Variants in ANKS1B observed in about 807,000 individuals in gnomAD.
The protein encoded by ANKS1B is ankyrin repeat and sterile alpha motif domain containing 1B.
In ANKS1B, 36 loss-of-function variants were observed where a neutral mutation model predicts 148.3. The observed-to-expected ratio is 0.24, with a 90% CI of 0.19 to 0.32. ANKS1B has a LOEUF of 0.32. Among genes scored for constraint, ANKS1B ranks in the 10% least tolerant of loss-of-function variants. The pLI, the probability that ANKS1B is intolerant of heterozygous loss-of-function variation, is 1.00. For missense variants in ANKS1B, 1,157 were observed against 1,542.6 expected (o/e 0.75, Z 4.19); for synonymous variants, 542 against 560.8 (o/e 0.97, Z 0.47).
chr12:99,967,722 C>T (rs2095502870), intron 1 of ANKS1B, among the ~76,000 whole-genome samples: 1 of 151,702 alleles, frequency 6.6e-6, no homozygotes, highest in Non-Finnish European at 1.5e-5. Flanking sequence ...TCTTGGCCAA[C>T]ATGGTGAAAC....
At chr12:98,817,492 C>A (rs2153651124) in intron 19 of ANKS1B, among the ~76,000 whole-genome samples, 1 of 152,336 alleles carries the variant, frequency 6.6e-6, no homozygotes, top group Middle Eastern at 3.4e-3. Context: ...TTGTGAGTTA[C>A]CCAGAGGCCG....
chr12:99,277,829 C>A (rs2077875290), intron 12 of ANKS1B, among the ~76,000 whole-genome samples: 1 of 152,162 alleles, frequency 6.6e-6, no homozygotes, highest in Non-Finnish European at 1.5e-5. Flanking sequence ...CAGACCAGAC[C>A]ATTGTGAAGT....
At chr12:99,358,120 A>G (rs1016194376) in intron 12 of ANKS1B, among the ~76,000 whole-genome samples, 1 of 152,014 alleles carries the variant, frequency 6.6e-6, no homozygotes, top group South Asian at 2.1e-4. Context: ...TTTAATTTTT[A>G]TATAGGTTAA....
intron 17 of ANKS1B, among the ~76,000 whole-genome samples, chr12:99,019,430 C>T (rs2099944465): frequency 6.6e-6 from 1 of 152,032 alleles, no homozygotes; most frequent in African/African-American, 2.4e-5. Context: ...GTCATTATAG[C>T]TATTGTTTGG....
chr12:99,200,997 G>C (rs2082008096), intron 14 of ANKS1B, among the ~76,000 whole-genome samples: 2 of 152,164 alleles, frequency 1.3e-5, no homozygotes, highest in South Asian at 4.1e-4. Flanking sequence ...TGGAGACACA[G>C]GCTACCTGGA....
chr12:99,736,903 AC>A (rs1456203045), intron 8 of ANKS1B, among the ~76,000 whole-genome samples: 1 of 152,170 alleles, frequency 6.6e-6, no homozygotes, highest in Non-Finnish European at 1.5e-5. Context: ...GACACTTCTC[AC>A]AAGAAGACAT....
intron 9 of ANKS1B, among the ~76,000 whole-genome samples, chr12:99,531,983 T>G (rs1271637674): frequency 6.6e-6 from 1 of 152,198 alleles, no homozygotes; most frequent in Non-Finnish European, 1.5e-5. Flanking sequence ...TGTTGGCCAT[T>G]TGTATGTCTT....
intron 1 of ANKS1B, among the ~76,000 whole-genome samples, chr12:99,974,984 A>AT (rs756636883): frequency 6.6e-6 from 1 of 152,058 alleles, no homozygotes; most frequent in Non-Finnish European, 1.5e-5. Context: ...CTCTGTCCTT[A>AT]TAAAAAAAAA....
Position 99,576,434 on chromosome 12 carries a change from T to C in ANKS1B, c.1273-71793A>G, listed in dbSNP as rs562891301. 8.6e-5 allele frequency among the ~76,000 whole-genome samples: 13 copies of C among 151,820 alleles called. No individual in the cohort carries two copies. The South Asian group carries it at 2.5e-3, about 29-fold the overall frequency. On this transcript the variant is annotated intron_variant, in intron 9 of 26. Coordinates refer to ENST00000683438, the MANE Select transcript of ANKS1B (RefSeq NM_001352186.2). ...TCACCCAACAACACAAGAATATACA[T>C]TCTTCTCATCTACACAGCACATACT...
intron 15 of ANKS1B, among the ~76,000 whole-genome samples, chr12:99,087,787 C>T (rs10735361): frequency 0.57 from 87,016 of 151,974 alleles, 25,596 homozygotes; most frequent in East Asian, 0.75. Flanking sequence ...AGAAAGCATA[C>T]GAATATCCCA....
intron 1 of ANKS1B, among the ~76,000 whole-genome samples, chr12:99,888,393 C>T (rs528150104): frequency 6.6e-6 from 1 of 152,212 alleles, no homozygotes; most frequent in South Asian, 2.1e-4. Flanking sequence ...CACACAAAGA[C>T]AAAATATGTA....
chr12:99,129,314 C>T (rs1310133093), intron 15 of ANKS1B, among the ~76,000 whole-genome samples: 1 of 152,150 alleles, frequency 6.6e-6, no homozygotes, highest in Non-Finnish European at 1.5e-5. Flanking sequence ...CTCAGTTATT[C>T]AGCCCAAAGC....
At chr12:99,870,365 T>G (rs553785580) in intron 1 of ANKS1B, among the ~76,000 whole-genome samples, 1 of 152,374 alleles carries the variant, frequency 6.6e-6, no homozygotes, top group South Asian at 2.1e-4. Context: ...GTTGATTCCA[T>G]GTCTTTACTA....
chr12:99,943,809 C>T (rs1282295147), intron 1 of ANKS1B, among the ~76,000 whole-genome samples: 1 of 152,008 alleles, frequency 6.6e-6, no homozygotes. Context: ...ACAACTCATT[C>T]TCTTTTTTTT....
chr12:99,718,698 C>T (rs1361600129), intron 8 of ANKS1B, among the ~76,000 whole-genome samples: 1 of 152,204 alleles, frequency 6.6e-6, no homozygotes, highest in African/African-American at 2.4e-5. Flanking sequence ...CATATACTCT[C>T]CTATCTTCAA....
In ANKS1B at chr12:99,595,268, C is replaced by T. The variant is rs548582263; in HGVS notation, c.1272+59799G>A. 1.1e-4 allele frequency among the ~76,000 whole-genome samples: 17 copies of T among 151,950 alleles called. No individual in the cohort carries two copies. In the East Asian group the frequency reaches 3.3e-3, roughly 29 times the overall value. On this transcript the variant is annotated intron_variant, in intron 9 of 26. Transcript: ENST00000683438. ...CCCTAAACCTATAATGTTATGGTTA[C>T]CAGCCACAAAAGACATATGAGTTAG...
intron 3 of ANKS1B, among the ~76,000 whole-genome samples, chr12:99,807,532 T>C: frequency 6.6e-6 from 1 of 152,240 alleles, no homozygotes; most frequent in African/African-American, 2.4e-5. Flanking sequence ...CAAGAAATTT[T>C]AGTAACAAAA....
At chr12:98,837,787 TG>T (rs1490114696) in intron 17 of ANKS1B, among the ~76,000 whole-genome samples, 1 of 152,182 alleles carries the variant, frequency 6.6e-6, no homozygotes, top group Non-Finnish European at 1.5e-5. Flanking sequence ...AAATTAAACA[TG>T]TTTAAATTTA....
At chr12:98,857,151 T>C (rs909133552) in intron 17 of ANKS1B, among the ~76,000 whole-genome samples, 4 of 152,286 alleles carry the variant, frequency 2.6e-5, no homozygotes, top group Admixed American at 1.3e-4. Context: ...CAACATGCCA[T>C]GGAGCACAGA....
Sources: allele counts gnomAD v4.1 joint callset (sites outside exome capture counted in the v4.1 genomes callset), GRCh38; gene constraint gnomAD v4.1.1; transcripts MANE v1.5; gene names NCBI Gene and HGNC (gene_info 2026-07-23, HGNC 2026-07-21).